CD86: variants seen among roughly 807,000 people sequenced by gnomAD.
CD86 encodes the protein T-lymphocyte activation antigen CD86.
In CD86, 11 loss-of-function variants were observed where a neutral mutation model predicts 32.1. The observed-to-expected ratio is 0.34, with a 90% CI of 0.22 to 0.57. CD86 has a LOEUF of 0.57. CD86 is among the 20% of genes least tolerant of loss of function. The probability of loss-of-function intolerance (pLI) is 0.86; values close to 1 mark genes in which losing one functional copy is unlikely to be tolerated. For synonymous variants in CD86, 137 were observed against 135.3 expected, an observed-to-expected ratio of 1.01 and a Z score of -0.09; for missense variants, 359 against 398.4, an observed-to-expected ratio of 0.90 and a Z score of 0.84.
In CD86 at chr3:122,103,557, ACCTGCCATGC is replaced by A. The variant is rs1559910644; in HGVS notation, c.112_121del (p.Leu38AsnfsTer10). 1 of 1,613,844 alleles carries A rather than the reference ACCTGCCATGC, an allele frequency of 6.2e-7. No individual in the cohort carries two copies. The highest frequency in any genetic ancestry group is 8.5e-7 in the Non-Finnish European group (1 of 1,179,832). The stretch of plus-strand genomic sequence containing the variant: ...CAAGCTTATTTCAATGAGACTGCAG[ACCTGCCATGC>A]CAATTTGCAAACTCTCAAAACCAAA... On this transcript the variant is annotated frameshift_variant, in exon 3 of 7. Coordinates refer to ENST00000330540, the MANE Select transcript of CD86 (RefSeq NM_175862.5). LOFTEE classifies it high-confidence loss of function.
intron 1 of CD86, among the ~76,000 whole-genome samples, chr3:122,064,057 A>T (rs763948422): frequency 6.6e-6 from 1 of 152,170 alleles, no homozygotes; most frequent in Non-Finnish European, 1.5e-5. Context: ...CAGATGAATC[A>T]GCCAAACAAG....
At chr3:122,081,302 T>C (rs539810996) in intron 1 of CD86, among the ~76,000 whole-genome samples, 3 of 152,310 alleles carry the variant, frequency 2.0e-5, no homozygotes, top group South Asian at 4.1e-4. Context: ...TTTGATTGTG[T>C]CTCAGAAAGT....
intron 1 of CD86, among the ~76,000 whole-genome samples, chr3:122,067,105 G>A (rs1434644816): frequency 3.3e-5 from 5 of 152,192 alleles, no homozygotes; most frequent in Non-Finnish European, 7.4e-5. Flanking sequence ...AATAGTGAAT[G>A]GTTCAAGTGA....
chr3:122,084,198 G>A (rs2072679868), intron 1 of CD86, among the ~76,000 whole-genome samples: 1 of 152,188 alleles, frequency 6.6e-6, no homozygotes, highest in Admixed American at 6.5e-5. Context: ...TAATGGCCAG[G>A]CTGGTCTCAA....
At position 122,109,418 on chromosome 3, in the gene CD86, T is replaced by A; in HGVS notation, c.847+10T>A. On this transcript the variant is annotated intron_variant, in intron 5 of 6. Transcript: ENST00000330540. ...AACTCTTATAAATGTGGTGAGTGAG[T>A]CCTTGTCCTCCCCACAGACTGTCAC... is the stretch of plus-strand genomic sequence containing the variant. 6.2e-7 allele frequency: 1 copy of A among 1,613,826 alleles called. No homozygotes were observed. Among genetic ancestry groups the A allele is most frequent in the South Asian group, 1.1e-5 (1 of 91,058 alleles).
intron 5 of CD86, among the ~76,000 whole-genome samples, chr3:122,115,507 C>T (rs991666079): frequency 6.6e-6 from 1 of 151,970 alleles, no homozygotes; most frequent in Admixed American, 6.5e-5. Flanking sequence ...AAAAATCTTA[C>T]TCGAAAAGTT....
chr3:122,111,704 C>T (rs541791622), intron 5 of CD86, among the ~76,000 whole-genome samples: 1 of 152,334 alleles, frequency 6.6e-6, no homozygotes, highest in East Asian at 1.9e-4. Context: ...AGTTCTGCAA[C>T]TATAAGGAGC....
intron 2 of CD86, among the ~76,000 whole-genome samples, chr3:122,102,952 C>G (rs184730465): frequency 6.6e-6 from 1 of 152,046 alleles, no homozygotes; most frequent in Non-Finnish European, 1.5e-5. Context: ...TGTTACTCAA[C>G]GTGATTCCCC....
At chr3:122,086,030 A>G (rs1360677060) in intron 1 of CD86, among the ~76,000 whole-genome samples, 1 of 152,140 alleles carries the variant, frequency 6.6e-6, no homozygotes, top group East Asian at 1.9e-4. Flanking sequence ...ACAAGAAGCC[A>G]AGGACTACCT....
chr3:122,101,506 AAAAAAAAATAT>A (rs1400348546), intron 2 of CD86, among the ~76,000 whole-genome samples: 869 of 57,060 alleles, frequency 0.015, 13 homozygotes, highest in African/African-American at 0.039. Flanking sequence ...AAAAAAAAAA[AAAAAAAAATAT>A]ATATATATAT....
chr3:122,062,847 C>G (rs929407618), intron 1 of CD86, among the ~76,000 whole-genome samples: 3 of 152,154 alleles, frequency 2.0e-5, no homozygotes, highest in Non-Finnish European at 4.4e-5. Flanking sequence ...GACTCACATT[C>G]TTTGCTTTAA....
rs1295183403 is a variant in CD86 at position 122,067,939 on chromosome 3, G to A, written c.14+12436G>A. On this transcript the variant is annotated intron_variant, in intron 1 of 6. Transcript: ENST00000330540. ...GCAAAAATTGCAACTCTATGATTCT[G>A]CATCACCGACTTGAAAACTACAAGC... Among the ~76,000 whole-genome samples, 3 of 152,162 alleles carry A rather than the reference G, an allele frequency of 2.0e-5. 1 individual carries two copies. Among genetic ancestry groups the A allele is most frequent in the Non-Finnish European group, 4.4e-5 (3 of 68,034 alleles).
intron 1 of CD86, among the ~76,000 whole-genome samples, chr3:122,059,158 A>G (rs1337809022): frequency 1.2e-4 from 19 of 152,150 alleles, no homozygotes. Flanking sequence ...GTGCAAGTTC[A>G]AAAAAGAGGG....
intron 1 of CD86, among the ~76,000 whole-genome samples, chr3:122,072,393 T>C (rs2072500950): frequency 6.6e-6 from 1 of 151,984 alleles, no homozygotes; most frequent in Non-Finnish European, 1.5e-5. Flanking sequence ...CAGCACCTGT[T>C]GTTTCCTGAC....
chr3:122,057,330 A>G (rs968052042), intron 1 of CD86, among the ~76,000 whole-genome samples: 11 of 152,340 alleles, frequency 7.2e-5, no homozygotes, highest in Non-Finnish European at 1.5e-4. Flanking sequence ...TCTAATAAGG[A>G]AAATCTTAGA....
intron 1 of CD86, among the ~76,000 whole-genome samples, chr3:122,069,344 T>C (rs2072457289): frequency 6.6e-6 from 1 of 152,036 alleles, no homozygotes; most frequent in South Asian, 2.1e-4. Flanking sequence ...TAAGGTGTTA[T>C]TGGAAAATGG....
intron 2 of CD86, 62 bp from the exon 3 acceptor site, chr3:122,103,450 A>G: frequency 9.4e-7 from 1 of 1,063,868 alleles, no homozygotes; most frequent in Non-Finnish European, 1.4e-6. Flanking sequence ...ATAAAGAGAA[A>G]TGGAGGTTTT....
chr3:122,062,736 A>C (rs762529607), intron 1 of CD86, among the ~76,000 whole-genome samples: 1 of 152,300 alleles, frequency 6.6e-6, no homozygotes. Flanking sequence ...CCTGAACTTC[A>C]GTGTCCTCTG....
chr3:122,116,796 A>G (rs1436813576), intron 5 of CD86, among the ~76,000 whole-genome samples: 1 of 152,216 alleles, frequency 6.6e-6, no homozygotes, highest in African/African-American at 2.4e-5. Context: ...GCACAAGAAG[A>G]ATACACATTA....
Sources: allele counts gnomAD v4.1 joint callset (sites outside exome capture counted in the v4.1 genomes callset), GRCh38; gene constraint gnomAD v4.1.1; transcripts MANE v1.5; gene names NCBI Gene and HGNC (gene_info 2026-07-23, HGNC 2026-07-21).